Variants in SHOC1 observed in about 807,000 individuals in gnomAD.
SHOC1 encodes shortage in chiasmata 1.
SHOC1 carries 136 observed loss-of-function variants against 179.2 expected under a neutral mutation model. The observed-to-expected ratio is 0.76, with a 90% CI of 0.66 to 0.87. The LOEUF is 0.87. SHOC1 is among the 40% of genes least tolerant of loss of function. The probability of loss-of-function intolerance (pLI) is 0.00; values close to 1 mark genes in which losing one functional copy is unlikely to be tolerated. For missense variants in SHOC1, 1,538 were observed against 1,700.8 expected (o/e 0.90, Z 1.68); for synonymous variants, 489 against 586.6 (o/e 0.83, Z 2.41).
chr9:111,693,016 A>G (rs1831513462), intron 26 of SHOC1, among the ~76,000 whole-genome samples: 1 of 152,200 alleles, frequency 6.6e-6, no homozygotes, highest in South Asian at 2.1e-4. Context: ...TTTAGAATGT[A>G]TAATATAGGC....
At chr9:111,738,109 C>T (rs925859720) in intron 12 of SHOC1, 171 bp downstream of exon 12, 1 of 489,878 alleles carries the variant, frequency 2.0e-6, no homozygotes, top group South Asian at 4.6e-5. Context: ...ATCATTTTTT[C>T]AAGAAAATGG....
At chr9:111,717,171 TATGTCTGGATCATAAATAAGAGAAA>T (rs1832827967) in intron 16 of SHOC1, among the ~76,000 whole-genome samples, 1 of 152,230 alleles carries the variant, frequency 6.6e-6, no homozygotes, top group African/African-American at 2.4e-5. Context: ...AAATAATATT[TATGTCTGGATCATAAATAAGAGAAA>T]ATGTCTGGGT....
intron 5 of SHOC1, among the ~76,000 whole-genome samples, chr9:111,763,785 G>A (rs1835239950): frequency 6.6e-6 from 1 of 152,082 alleles, no homozygotes; most frequent in African/African-American, 2.4e-5. Context: ...TGGTGATAAC[G>A]ACTTGTTCTA....
chr9:111,791,590 A>G (rs964099514), intron 1 of SHOC1, 136 bp from the exon 2 acceptor site: 19 of 370,440 alleles, frequency 5.1e-5, no homozygotes, highest in Non-Finnish European at 8.7e-5. Flanking sequence ...AATATACATT[A>G]CTATAATTTT....
chr9:111,710,275 A>C lies in SHOC1; in HGVS notation c.2489-2351T>G, dbSNP rs541259396. Among the ~76,000 whole-genome samples, 17 of 152,300 alleles carry C rather than the reference A, an allele frequency of 1.1e-4. No individual in the cohort carries two copies. In the South Asian group the frequency reaches 2.9e-3, roughly 26 times the overall value. Reference sequence around the variant, plus strand: ...ATGAAATAATAAGATCCAAGTTTACAAATCTAGACTCTAGATACATGATAA... The same window carrying C: ...ATGAAATAATAAGATCCAAGTTTACCAATCTAGACTCTAGATACATGATAA... On this transcript the variant is annotated intron_variant, in intron 18 of 27. Transcript: ENST00000682961.
intron 27 of SHOC1, among the ~76,000 whole-genome samples, chr9:111,690,654 C>G (rs150771897): frequency 9.9e-5 from 15 of 152,272 alleles, no homozygotes; most frequent in South Asian, 2.1e-4. Context: ...AATTCAGCAT[C>G]TATTTTTCAC....
intron 13 of SHOC1, among the ~76,000 whole-genome samples, chr9:111,727,339 T>C (rs1375099995): frequency 6.6e-6 from 1 of 152,212 alleles, no homozygotes; most frequent in African/African-American, 2.4e-5. Context: ...AGAGATACTA[T>C]GAATTTGTAA....
chr9:111,781,125 C>G (rs1836023491), intron 3 of SHOC1, 108 bp from the exon 4 acceptor site: 1 of 734,600 alleles, frequency 1.4e-6, no homozygotes, highest in Middle Eastern at 2.4e-4. Context: ...TATTTATTCA[C>G]AAATGTATTT....
At chr9:111,717,130 G>A (rs1039902313) in intron 16 of SHOC1, among the ~76,000 whole-genome samples, 7 of 152,172 alleles carry the variant, frequency 4.6e-5, no homozygotes, top group African/African-American at 1.7e-4. Flanking sequence ...ATTCACTGCT[G>A]TTCAATATTT....
chr9:111,732,465 A>G (rs1320358787), intron 12 of SHOC1, among the ~76,000 whole-genome samples: 1 of 152,196 alleles, frequency 6.6e-6, no homozygotes, highest in Non-Finnish European at 1.5e-5. Flanking sequence ...GACTTGCACA[A>G]AAATATTTAT....
intron 5 of SHOC1, among the ~76,000 whole-genome samples, chr9:111,772,412 C>T (rs544177250): frequency 2.6e-5 from 4 of 152,226 alleles, no homozygotes; most frequent in East Asian, 1.9e-4. Flanking sequence ...TTGTTAGGGT[C>T]GGTCACTGGA....
chr9:111,779,114 AAGAGAG>A (rs201917801), intron 4 of SHOC1, among the ~76,000 whole-genome samples: 55 of 129,802 alleles, frequency 4.2e-4, no homozygotes, highest in Non-Finnish European at 3.1e-4. Context: ...AAAAAAAAAA[AAGAGAG>A]AGAGAGAGAG....
chr9:111,723,962 ATGT>A, intron 13 of SHOC1, 51 bp from the exon 14 acceptor site: 11 of 1,338,664 alleles, frequency 8.2e-6, no homozygotes, highest in Non-Finnish European at 1.1e-5. Context: ...GAGAAACTTA[ATGT>A]TGTTTTACCT....
At chr9:111,699,866 AACACTTTTTTC>A (rs1831878647) in intron 24 of SHOC1, 77 bp downstream of exon 24, 6 of 694,556 alleles carry the variant, frequency 8.6e-6, no homozygotes, top group Non-Finnish European at 1.5e-5. Context: ...TCATTTGCTT[AACACTTTTTTC>A]TCATTGGGCA....
rs753171922 is a variant in SHOC1, at chr9:111,714,525, T to TC, written c.2334dup (p.Lys779GlufsTer4). The TC allele has an allele frequency of 2.5e-6, 4 of 1,613,956 alleles. No individual in the cohort carries two copies. In the South Asian group the frequency reaches 4.4e-5, roughly 18 times the overall value. On this transcript the variant is annotated frameshift_variant, in exon 17 of 28. Transcript: ENST00000682961. LOFTEE classifies it high-confidence loss of function. ...ATCTTGTAGTTGGTTTCAGGCTTTT[T>TC]CCCCCTAATAAACTGTACAATCTCC...
intron 5 of SHOC1, 81 bp downstream of exon 5, chr9:111,775,710 A>T (rs1335274481): frequency 1.6e-6 from 2 of 1,278,466 alleles, no homozygotes; most frequent in Non-Finnish European, 2.1e-6. Context: ...TTTTTATTCA[A>T]CTCAAACAAA....
Position 111,692,060 on chromosome 9 carries a change from G to A in SHOC1, c.3917C>T (p.Thr1306Ile), listed in dbSNP as rs371940554. The A allele has an allele frequency of 1.1e-5, 18 of 1,613,678 alleles. No homozygotes were observed. The highest frequency in any genetic ancestry group is 1.5e-5 in the Non-Finnish European group (18 of 1,179,854). The change falls in exon 27 of 28, where the codon ACT becomes ATT. Residue 1306 changes from threonine (T) to isoleucine (I), a missense_variant. Transcript: ENST00000682961. ...SLGLTQMNCETIKSPTDTQKR... is the reference protein window; with the variant it reads ...SLGLTQMNCEIIKSPTDTQKR... ...CTGAGTGTCAGTTGGTGATTTTATA[G>A]TTTCACAGTTCATTTGTGTTAGACC... is the stretch of plus-strand genomic sequence containing the variant.
At chr9:111,753,492 T>TA (rs1834699516) in intron 8 of SHOC1, among the ~76,000 whole-genome samples, 1 of 151,994 alleles carries the variant, frequency 6.6e-6, no homozygotes. Context: ...ATCAAAAGGA[T>TA]AAAAAATTTT....
intron 13 of SHOC1, among the ~76,000 whole-genome samples, chr9:111,727,208 A>G (rs1019127725): frequency 2.0e-5 from 3 of 152,172 alleles, no homozygotes; most frequent in African/African-American, 7.2e-5. Flanking sequence ...AATGTTAGAA[A>G]GAAACAATTA....
Sources: gnomAD v4.1 joint callset for allele counts (sites outside exome capture counted in the v4.1 genomes callset) on GRCh38, gnomAD v4.1.1 for gene constraint, MANE v1.5 for transcripts, NCBI Gene and HGNC (gene_info 2026-07-23, HGNC 2026-07-21) for gene names.